Variants in PAPPA2 observed in about 807,000 individuals in gnomAD.
PAPPA2 encodes the protein pappalysin-2.
A neutral mutation model predicts 176.4 loss-of-function variants in PAPPA2; 86 were observed. The observed-to-expected ratio is 0.49, with a 90% CI of 0.41 to 0.58. PAPPA2 has a LOEUF of 0.58. Ranked by LOEUF, PAPPA2 falls within the 20% of genes least tolerant of loss-of-function variation. The probability of loss-of-function intolerance (pLI) is 0.00; values close to 1 mark genes in which losing one functional copy is unlikely to be tolerated. For synonymous variants in PAPPA2, 809 were observed against 852.2 expected (o/e 0.95, Z 0.88); for missense variants, 2,073 against 2,256.9 (o/e 0.92, Z 1.65).
intron 12 of PAPPA2, among the ~76,000 whole-genome samples, chr1:176,726,408 A>G (rs1661878273): frequency 1.3e-5 from 2 of 152,236 alleles, no homozygotes; most frequent in Non-Finnish European, 2.9e-5. Context: ...TGTATGTTCA[A>G]CACTGAGTGC....
intron 3 of PAPPA2, among the ~76,000 whole-genome samples, chr1:176,626,641 C>A (rs1253003512): frequency 2.0e-5 from 3 of 151,596 alleles, no homozygotes; most frequent in Non-Finnish European, 2.9e-5. Context: ...TTTGGAAATT[C>A]TTGTCAATGG....
At chr1:176,682,579 G>C (rs1659636728) in intron 4 of PAPPA2, among the ~76,000 whole-genome samples, 1 of 152,102 alleles carries the variant, frequency 6.6e-6, no homozygotes, top group Non-Finnish European at 1.5e-5. Flanking sequence ...GTGGTGATCA[G>C]TTATTTCTTT....
intron 2 of PAPPA2, among the ~76,000 whole-genome samples, chr1:176,558,963 C>G (rs1651497314): frequency 6.6e-6 from 1 of 152,164 alleles, no homozygotes; most frequent in Non-Finnish European, 1.5e-5. Flanking sequence ...CCTGGGGAAA[C>G]TTGACCCCTG....
chr1:176,475,341 G>A (rs1652063864), intron 1 of PAPPA2, among the ~76,000 whole-genome samples: 2 of 152,220 alleles, frequency 1.3e-5, no homozygotes, highest in South Asian at 4.1e-4. Flanking sequence ...CAAAAGCCTA[G>A]CATAGGTGAG....
chr1:176,786,153 G>A lies in PAPPA2; in HGVS notation c.4716-3656G>A, dbSNP rs559962153. Among the ~76,000 whole-genome samples, 13 of 152,306 alleles carry A rather than the reference G, an allele frequency of 8.5e-5. No homozygotes were observed. The South Asian group carries it at 2.7e-3, about 32-fold the overall frequency. ...GAGGAGTAAAATATCCATTCTAGGAGAGGGACAAAAAGGAGCCTCGTTAGA... is the reference window on the plus strand; with the variant it reads ...GAGGAGTAAAATATCCATTCTAGGAAAGGGACAAAAAGGAGCCTCGTTAGA... On this transcript the variant is annotated intron_variant, in intron 17 of 22. Coordinates refer to ENST00000367662, the MANE Select transcript of PAPPA2 (RefSeq NM_020318.3).
chr1:176,828,309 A>C (rs1666936302), intron 21 of PAPPA2, among the ~76,000 whole-genome samples: 1 of 152,338 alleles, frequency 6.6e-6, no homozygotes, highest in Middle Eastern at 3.4e-3. Context: ...ACCTTGTAGT[A>C]CACACCACAC....
At chr1:176,752,179 C>T (rs1204957108) in intron 14 of PAPPA2, among the ~76,000 whole-genome samples, 1 of 127,084 alleles carries the variant, frequency 7.9e-6, no homozygotes, top group Non-Finnish European at 1.6e-5. Flanking sequence ...ATATCACACT[C>T]GGGGGACTGT....
At chr1:176,599,208 C>T (rs1277781601) in intron 3 of PAPPA2, among the ~76,000 whole-genome samples, 1 of 151,932 alleles carries the variant, frequency 6.6e-6, no homozygotes, top group Non-Finnish European at 1.5e-5. Context: ...TATATACACA[C>T]ACACACACAC....
At chr1:176,706,305 A>T in intron 9 of PAPPA2, 54 bp from the exon 10 acceptor site, 1 of 1,501,806 alleles carries the variant, frequency 6.7e-7, no homozygotes, top group South Asian at 1.2e-5. Flanking sequence ...ATGGTAGCTA[A>T]ACAAGAAAAT....
rs187446847 is a variant in PAPPA2, at chr1:176,769,862, C to T, written c.4501+78C>T. The stretch of plus-strand genomic sequence containing the variant: ...CTTGAGGGTACTTTGGGACTCTTTT[C>T]GTTACCCCAACACCTTTCCTATTTG... On this transcript the variant is annotated intron_variant, in intron 16 of 22. Coordinates refer to ENST00000367662, the MANE Select transcript of PAPPA2 (RefSeq NM_020318.3). The T allele has an allele frequency of 6.1e-3, 8,543 of 1,411,020 alleles. 28 individuals carry two copies. Among genetic ancestry groups the T allele is most frequent in the Non-Finnish European group, 7.5e-3 (7,849 of 1,043,982 alleles). 87.4% of individuals were successfully genotyped at this position (1,411,020 alleles called of 1,614,324 possible). A position where few individuals can be genotyped will look rare whatever the true frequency, so the allele number is the denominator to read the frequency against.
At chr1:176,607,271 T>G (rs910631741) in intron 3 of PAPPA2, among the ~76,000 whole-genome samples, 2 of 152,184 alleles carry the variant, frequency 1.3e-5, no homozygotes, top group African/African-American at 4.8e-5. Flanking sequence ...TGTTGTTAAC[T>G]ATAGTCACTC....
At chr1:176,777,517 A>AT (rs1664514561) in intron 17 of PAPPA2, among the ~76,000 whole-genome samples, 1 of 152,140 alleles carries the variant, frequency 6.6e-6, no homozygotes, top group Non-Finnish European at 1.5e-5. Flanking sequence ...AAAGAAGGTA[A>AT]TGTAGTCAAA....
Position 176,624,557 on chromosome 1 carries a change from A to G in PAPPA2, c.1991+28962A>G, listed in dbSNP as rs1166914464. Among the ~76,000 whole-genome samples, 3 of 152,066 alleles carry G rather than the reference A, an allele frequency of 2.0e-5. No homozygotes were observed. In the South Asian group the frequency reaches 6.2e-4, roughly 32 times the overall value. On this transcript the variant is annotated intron_variant, in intron 3 of 22. Transcript: ENST00000367662. ...TCCTCTTATCTATCATTCTACTCTCATCTCTCATCATTCTCTAAATTCTCG... is the reference window on the plus strand; with the variant it reads ...TCCTCTTATCTATCATTCTACTCTCGTCTCTCATCATTCTCTAAATTCTCG...
intron 9 of PAPPA2, among the ~76,000 whole-genome samples, chr1:176,703,599 T>C (rs1185440610): frequency 6.6e-6 from 1 of 152,234 alleles, no homozygotes; most frequent in Non-Finnish European, 1.5e-5. Context: ...GGTGAAAATA[T>C]ATCGTATATT....
intron 3 of PAPPA2, among the ~76,000 whole-genome samples, chr1:176,650,303 T>C (rs1172589937): frequency 6.6e-6 from 1 of 151,498 alleles, no homozygotes; most frequent in African/African-American, 2.4e-5. Context: ...GGGTTTCTTG[T>C]GGGCAGCATG....
chr1:176,831,464 T>A (rs77537547), intron 21 of PAPPA2, among the ~76,000 whole-genome samples: 235 of 152,332 alleles, frequency 1.5e-3, no homozygotes, highest in African/African-American at 5.2e-3. Context: ...GTGTTTTTCT[T>A]GCACAAATGT....
At chr1:176,469,773 G>T (rs1651788930) in intron 1 of PAPPA2, among the ~76,000 whole-genome samples, 1 of 152,124 alleles carries the variant, frequency 6.6e-6, no homozygotes, top group Non-Finnish European at 1.5e-5. Flanking sequence ...CTCCTTAGGG[G>T]TCCACAGCAG....
At chr1:176,571,370 A>C (rs1206963945) in intron 2 of PAPPA2, among the ~76,000 whole-genome samples, 1 of 152,212 alleles carries the variant, frequency 6.6e-6, no homozygotes, top group Non-Finnish European at 1.5e-5. Flanking sequence ...AGCTGTGGGA[A>C]CTTGGCAAAT....
chr1:176,764,628 G>T (rs1190474007), intron 14 of PAPPA2, among the ~76,000 whole-genome samples: 2 of 143,322 alleles, frequency 1.4e-5, no homozygotes, highest in African/African-American at 5.3e-5. Context: ...ACGGAGTCTC[G>T]CTCTGTCGCT....
Sources: gnomAD v4.1 joint callset for allele counts (sites outside exome capture counted in the v4.1 genomes callset) on GRCh38, gnomAD v4.1.1 for gene constraint, MANE v1.5 for transcripts, NCBI Gene and HGNC (gene_info 2026-07-23, HGNC 2026-07-21) for gene names.